Variants in TXNDC11 observed in about 807,000 individuals in gnomAD.
TXNDC11 encodes thioredoxin domain-containing protein 11.
In TXNDC11, 68 loss-of-function variants were observed where a neutral mutation model predicts 78.0. The observed-to-expected ratio is 0.87, with a 90% CI of 0.72 to 1.07. The LOEUF is 1.07. Ranked by LOEUF, TXNDC11 falls within the 50% of genes least tolerant of loss-of-function variation. The pLI, the probability that TXNDC11 is intolerant of heterozygous loss-of-function variation, is 0.00. For synonymous variants in TXNDC11, 571 were observed against 495.2 expected, an observed-to-expected ratio of 1.15 and a Z score of -2.03; for missense variants, 1,389 against 1,221.8, an observed-to-expected ratio of 1.14 and a Z score of -2.04.
chr16:11,699,471 G>A (rs1456819333), intron 6 of TXNDC11, among the ~76,000 whole-genome samples: 1 of 152,270 alleles, frequency 6.6e-6, no homozygotes, highest in Non-Finnish European at 1.5e-5. Flanking sequence ...AACCACAGCA[G>A]TGATTGTCAA....
At position 11,679,328 on chromosome 16, in the gene TXNDC11, G is replaced by A. The variant is rs570323012; in HGVS notation, c.2744C>T (p.Ala915Val). The change falls in exon 12 of 12, where the codon GCG (alanine) becomes GTG (valine). Residue 915 changes from alanine (A) to valine (V), a missense_variant. By Grantham distance (64) the Ala-to-Val change is moderately conservative. Coordinates refer to ENST00000283033, the MANE Select transcript of TXNDC11 (RefSeq NM_015914.7). The surrounding 1 kb of genome is among the most constrained non-coding windows in gnomAD (Gnocchi z 4.6). ...CTTGGGGTGGACCTCTCTCTGGGCC[G>A]CCAGGCTTTCAGCTCCATCCCTGCC... The part of the protein sequence containing the change: ...LEGRDGAESL[A>V]AQREVHPKQP... 15 of 1,612,316 alleles carry A rather than the reference G, an allele frequency of 9.3e-6. No homozygotes were observed. The highest frequency in any genetic ancestry group is 4.5e-5 in the East Asian group (2 of 44,870).
At chr16:11,723,347 G>A (rs2051769968) in intron 4 of TXNDC11, among the ~76,000 whole-genome samples, 1 of 152,124 alleles carries the variant, frequency 6.6e-6, no homozygotes, top group African/African-American at 2.4e-5. Flanking sequence ...CACTTTGGGA[G>A]GCTGAGGCAG....
chr16:11,703,790 G>A lies in TXNDC11; in HGVS notation c.794-3226C>T, dbSNP rs1326332429. The A allele has an allele frequency of 4.3e-6, 3 of 697,574 alleles. No individual in the cohort carries two copies. In the Admixed American group the frequency reaches 6.0e-5, roughly 14 times the overall value. 43.2% of individuals were successfully genotyped at this position (697,574 alleles called of 1,614,324 possible). On this transcript the variant is annotated intron_variant, in intron 5 of 11. Transcript: ENST00000283033. Reference sequence around the variant, plus strand: ...GTACAAGATAAGCCTGAAATATCTTGTATCAGAAGTAAAGAAGTGGGCTGG... The same window carrying A: ...GTACAAGATAAGCCTGAAATATCTTATATCAGAAGTAAAGAAGTGGGCTGG...
At chr16:11,712,476 G>A (rs534194693) in intron 5 of TXNDC11, among the ~76,000 whole-genome samples, 275 of 152,098 alleles carry the variant, frequency 1.8e-3, no homozygotes, top group Middle Eastern at 0.014. Context: ...CCTACTTCTT[G>A]GCCACACTGG....
intron 1 of TXNDC11, 81 bp downstream of exon 1, chr16:11,742,396 G>T: frequency 1.7e-6 from 2 of 1,183,044 alleles, no homozygotes; most frequent in Non-Finnish European, 2.2e-6. Flanking sequence ...GGCTGAGGCC[G>T]CTGCGACCCG....
In TXNDC11 at chr16:11,721,627, G is replaced by C; in HGVS notation, c.743C>G (p.Pro248Arg). The C allele has an allele frequency of 1.2e-6, 2 of 1,612,710 alleles. No homozygotes were observed. Among genetic ancestry groups the C allele is most frequent in the Non-Finnish European group, 1.7e-6 (2 of 1,179,166 alleles). Residue 248 changes from proline (P) to arginine (R), a missense_variant, in exon 5 of 12, where the codon CCT (proline) becomes CGT (arginine). Pro to Arg is a moderately radical substitution (Grantham distance 103). Coordinates refer to ENST00000283033, the MANE Select transcript of TXNDC11 (RefSeq NM_015914.7). ...GYFEFSGSPQ[P>R]PGYLTFFTSA... Reference sequence around the variant, plus strand: ...GGTGAAGAAGGTCAAATAACCAGGAGGCTGGGGTGAGCCACTGAACTCAAA... The same window carrying C: ...GGTGAAGAAGGTCAAATAACCAGGACGCTGGGGTGAGCCACTGAACTCAAA...
At chr16:11,683,334 G>T (rs568561475) in intron 11 of TXNDC11, among the ~76,000 whole-genome samples, 13 of 152,170 alleles carry the variant, frequency 8.5e-5, no homozygotes, top group Admixed American at 2.0e-4. Flanking sequence ...CATGGCGGAC[G>T]TTCACAGCAG....
intron 11 of TXNDC11, among the ~76,000 whole-genome samples, chr16:11,682,645 A>C (rs1032210202): frequency 3.3e-5 from 5 of 152,244 alleles, no homozygotes. Flanking sequence ...GAATTCAAAA[A>C]TTATACGTCA....
At chr16:11,726,982 G>A (rs149109793) in intron 4 of TXNDC11, among the ~76,000 whole-genome samples, 14 of 152,258 alleles carry the variant, frequency 9.2e-5, no homozygotes, top group African/African-American at 3.1e-4. Context: ...GAACCCAGGA[G>A]GTGGAGGTTG....
At chr16:11,730,494 C>G (rs966923433) in intron 4 of TXNDC11, 151 bp downstream of exon 4, 5 of 724,082 alleles carry the variant, frequency 6.9e-6, no homozygotes, top group Non-Finnish European at 1.1e-5. Flanking sequence ...ATCAGTATCT[C>G]AAAAAGCATT....
intron 5 of TXNDC11, among the ~76,000 whole-genome samples, chr16:11,702,294 G>T (rs559765244): frequency 1.3e-5 from 2 of 152,146 alleles, no homozygotes; most frequent in South Asian, 4.2e-4. Context: ...GTTAAAGGAG[G>T]GTGAATAAGA....
intron 2 of TXNDC11, among the ~76,000 whole-genome samples, chr16:11,735,007 C>G (rs964573360): frequency 1.3e-5 from 2 of 152,162 alleles, no homozygotes; most frequent in African/African-American, 4.8e-5. Flanking sequence ...AAAACGCCTG[C>G]CAAACACTGA....
rs2050371345 is a variant in TXNDC11 at position 11,679,734 on chromosome 16, C to T, written c.2338G>A (p.Val780Met). 1 of 1,614,190 alleles carries T rather than the reference C, an allele frequency of 6.2e-7. No individual in the cohort carries two copies. The highest frequency in any genetic ancestry group is 8.5e-7 in the Non-Finnish European group (1 of 1,180,040). Reference protein sequence around the residue: ...HSDPASSPQNVANSPTKECLQ... With the variant: ...HSDPASSPQNMANSPTKECLQ... ...CACTCCTTGGTAGGAGAGTTAGCCA[C>T]ATTCTGGGGGCTGGAAGCAGGGTCT... The change falls in exon 12 of 12, where the codon GTG becomes ATG. Residue 780 changes from valine (V) to methionine (M), a missense_variant. Transcript: ENST00000283033. This position sits in a 1 kb window ranked among gnomAD's most constrained non-coding sequence, Gnocchi z 4.6.
intron 8 of TXNDC11, among the ~76,000 whole-genome samples, chr16:11,689,206 A>G (rs2287203): frequency 0.11 from 17,354 of 151,828 alleles, 2,373 homozygotes; most frequent in African/African-American, 0.32. Context: ...CTCCTACCTC[A>G]GCCTCCAGAG....
At chr16:11,738,848 G>A (rs1263117258) in intron 1 of TXNDC11, among the ~76,000 whole-genome samples, 2 of 152,114 alleles carry the variant, frequency 1.3e-5, no homozygotes, top group East Asian at 1.9e-4. Context: ...ACCAACACCG[G>A]GAAACCCCAT....
intron 11 of TXNDC11, among the ~76,000 whole-genome samples, chr16:11,682,587 G>A (rs538261227): frequency 4.7e-4 from 71 of 152,158 alleles, no homozygotes; most frequent in Non-Finnish European, 7.3e-4. Flanking sequence ...TTCATTAAAA[G>A]GCATGTGCTG....
At chr16:11,735,439 C>T (rs2052191663) in intron 2 of TXNDC11, among the ~76,000 whole-genome samples, 1 of 152,176 alleles carries the variant, frequency 6.6e-6, no homozygotes, top group South Asian at 2.1e-4. Context: ...AAAACTTTAT[C>T]ATCTATGAAT....
intron 3 of TXNDC11, among the ~76,000 whole-genome samples, chr16:11,732,402 A>G (rs1415209180): frequency 6.6e-6 from 1 of 152,206 alleles, no homozygotes; most frequent in Non-Finnish European, 1.5e-5. Flanking sequence ...CAAGGACCTC[A>G]GCAGGGCAAG....
intron 10 of TXNDC11, among the ~76,000 whole-genome samples, chr16:11,687,551 C>G (rs2050598302): frequency 6.6e-6 from 1 of 152,160 alleles, no homozygotes; most frequent in South Asian, 2.1e-4. Context: ...GGCAACTGTC[C>G]CATGGTATTC....
Sources: allele counts gnomAD v4.1 joint callset (sites outside exome capture counted in the v4.1 genomes callset), GRCh38; gene constraint gnomAD v4.1.1; non-coding constraint Gnocchi (gnomAD v3.1); transcripts MANE v1.5; gene names NCBI Gene and HGNC (gene_info 2026-07-23, HGNC 2026-07-21).